FAM171B: variants seen among roughly 807,000 people sequenced by gnomAD.
The protein encoded by FAM171B is family with sequence similarity 171 member B.
Under a neutral mutation model 75.6 loss-of-function variants are expected in FAM171B, and 19 were observed. That is an observed-to-expected ratio of 0.25 (90% CI 0.18 to 0.37). The LOEUF (loss-of-function observed/expected upper bound fraction) is 0.37, where lower values mean the gene tolerates loss of function less well. FAM171B is among the 10% of genes least tolerant of loss of function. FAM171B has a pLI of 1.00. For missense variants in FAM171B, 848 were observed against 982.4 expected, an observed-to-expected ratio of 0.86 and a Z score of 1.83; for synonymous variants, 367 against 361.7, an observed-to-expected ratio of 1.01 and a Z score of -0.17.
At chr2:186,737,097 G>A (rs1379544356) in intron 1 of FAM171B, among the ~76,000 whole-genome samples, 2 of 152,116 alleles carry the variant, frequency 1.3e-5, no homozygotes, top group Non-Finnish European at 2.9e-5. Flanking sequence ...TGACCAAATG[G>A]ACTTTGAGAG....
intron 1 of FAM171B, among the ~76,000 whole-genome samples, chr2:186,720,969 G>A (rs1023275537): frequency 2.6e-5 from 4 of 152,126 alleles, no homozygotes; most frequent in Non-Finnish European, 5.9e-5. Context: ...CTAGGGGTAT[G>A]CATCAGGATT....
At chr2:186,755,544 G>A (rs377582861) in intron 6 of FAM171B, among the ~76,000 whole-genome samples, 4 of 152,140 alleles carry the variant, frequency 2.6e-5, no homozygotes, top group Non-Finnish European at 5.9e-5. Context: ...TACTTACCCT[G>A]ATCCAGAACA....
rs776646644 is a variant in FAM171B, at chr2:186,762,723, C to G, written c.2381C>G (p.Ser794Cys). 2.4e-5 allele frequency: 39 copies of G among 1,612,972 alleles called. No individual in the cohort carries two copies. The highest frequency in any genetic ancestry group is 3.3e-5 in the Non-Finnish European group (39 of 1,179,564). Residue 794 changes from serine (S) to cysteine (C), a missense_variant, in exon 8 of 8, where the codon TCC (serine) becomes TGC (cysteine). By Grantham distance (112) the Ser-to-Cys change is moderately radical (BLOSUM62 -1). Transcript: ENST00000304698. This position sits in a 1 kb window ranked among gnomAD's most constrained non-coding sequence, Gnocchi z 4.0. ...STVEDFEANT[S>C]PTKRRGRPPL... ...GTTGAAGATTTTGAAGCTAATACAT[C>G]CCCCACTAAAAGAAGGGGCAGACCA...
Position 186,765,796 on chromosome 2 carries a change from G to A in FAM171B, c.*2973G>A, listed in dbSNP as rs1387540069. ...TCTAGAATTGACATTTTGCCTTCTT[G>A]TTTCCAGGTGTTTCTATTTTTTGTA... On this transcript the variant is annotated 3_prime_UTR_variant, in exon 8 of 8. Coordinates refer to ENST00000304698, the MANE Select transcript of FAM171B (RefSeq NM_177454.4). The A allele has an allele frequency of 1.3e-5, 2 of 151,970 alleles. No homozygotes were observed. The highest frequency in any genetic ancestry group is 4.8e-5 in the African/African-American group (2 of 41,412). The allele number at this position is 151,970 out of a possible 1,614,324, so 9.4% of individuals were successfully genotyped here.
At chr2:186,707,988 T>G (rs543928031) in intron 1 of FAM171B, among the ~76,000 whole-genome samples, 16 of 152,262 alleles carry the variant, frequency 1.1e-4, no homozygotes, top group African/African-American at 2.6e-4. Context: ...TATCTTTTCC[T>G]TTAGTTTGGA....
intron 1 of FAM171B, among the ~76,000 whole-genome samples, chr2:186,698,806 G>A (rs1234245698): frequency 6.6e-6 from 1 of 152,004 alleles, no homozygotes; most frequent in Non-Finnish European, 1.5e-5. Flanking sequence ...CCCAGACTCT[G>A]GTAACCATCA....
chr2:186,708,316 G>T (rs192168142), intron 1 of FAM171B, among the ~76,000 whole-genome samples: 3 of 151,894 alleles, frequency 2.0e-5, no homozygotes, highest in African/African-American at 2.4e-5. Context: ...CCATAGGGTT[G>T]GTGAGAATAT....
In FAM171B at chr2:186,761,888, A is replaced by G; in HGVS notation, c.1546A>G (p.Thr516Ala). ...TGCTCAAGATGAAAAGAGGTATCTCACAGGTAATGAGGAGGCGTATGGGCG... is the reference window on the plus strand; with the variant it reads ...TGCTCAAGATGAAAAGAGGTATCTCGCAGGTAATGAGGAGGCGTATGGGCG... ...GDAQDEKRYL[T>A]GNEEAYGRSH... The change falls in exon 8 of 8, where the codon ACA becomes GCA. Residue 516 changes from threonine (T) to alanine (A), a missense_variant. Around this residue, in one of 3 missense-constraint regions of FAM171B, gnomAD observed 665 missense variants for 729.0 expected, o/e 0.91. Transcript: ENST00000304698. 1 of 1,612,826 alleles carries G rather than the reference A, an allele frequency of 6.2e-7. No individual in the cohort carries two copies. Among genetic ancestry groups the G allele is most frequent in the Non-Finnish European group, 8.5e-7 (1 of 1,179,400 alleles).
At chr2:186,721,953 G>A (rs1195498971) in intron 1 of FAM171B, among the ~76,000 whole-genome samples, 3 of 150,714 alleles carry the variant, frequency 2.0e-5, no homozygotes, top group Admixed American at 6.6e-5. Flanking sequence ...CTTTGCCAAC[G>A]TTGGAATAAG....
chr2:186,705,263 G>C (rs1257779940), intron 1 of FAM171B, among the ~76,000 whole-genome samples: 1 of 152,190 alleles, frequency 6.6e-6, no homozygotes, highest in Non-Finnish European at 1.5e-5. Context: ...AGAGGTAGTA[G>C]CTTTTGGGTT....
At chr2:186,724,538 T>A (rs1320285862) in intron 1 of FAM171B, among the ~76,000 whole-genome samples, 1 of 152,178 alleles carries the variant, frequency 6.6e-6, no homozygotes, top group Non-Finnish European at 1.5e-5. Flanking sequence ...AGCATAATTG[T>A]GAGTATAACC....
chr2:186,731,865 A>G lies in FAM171B; in HGVS notation c.239-8363A>G, dbSNP rs116212480. On this transcript the variant is annotated intron_variant, in intron 1 of 7. Coordinates refer to ENST00000304698, the MANE Select transcript of FAM171B (RefSeq NM_177454.4). Reference sequence around the variant, plus strand: ...AACCCTATTTTGAACTGAGCATGTGAGGGATCTAGGTTGCATGCTCCTTAT... The same window carrying G: ...AACCCTATTTTGAACTGAGCATGTGGGGGATCTAGGTTGCATGCTCCTTAT... Among the ~76,000 whole-genome samples the G allele has an allele frequency of 1.7e-3, 261 of 152,244 alleles. 1 individual carries two copies. The highest frequency in any genetic ancestry group is 5.1e-3 in the Admixed American group (78 of 15,278).
At chr2:186,711,150 T>C (rs1447203616) in intron 1 of FAM171B, among the ~76,000 whole-genome samples, 1 of 152,164 alleles carries the variant, frequency 6.6e-6, no homozygotes, top group Non-Finnish European at 1.5e-5. Flanking sequence ...GGCAAAAAGG[T>C]TTACTTTGGC....
rs1689972993 is a variant in FAM171B at position 186,722,659 on chromosome 2, C to T, written c.239-17569C>T. Among the ~76,000 whole-genome samples, 4 of 152,112 alleles carry T rather than the reference C, an allele frequency of 2.6e-5. No homozygotes were observed. The South Asian group carries it at 8.3e-4, about 32-fold the overall frequency. On this transcript the variant is annotated intron_variant, in intron 1 of 7. Transcript: ENST00000304698. ...TGCAGGATAGAGAGGACTGGGTTGT[C>T]CGGTGGCATAGGGCATAGATAGAGA... is the stretch of plus-strand genomic sequence containing the variant.
chr2:186,699,478 G>GT (rs1304742779), intron 1 of FAM171B, among the ~76,000 whole-genome samples: 2 of 152,074 alleles, frequency 1.3e-5, no homozygotes, highest in South Asian at 2.1e-4. Flanking sequence ...GGATTATTGG[G>GT]TTTTTTTGCC....
rs575465472 is a variant in FAM171B at position 186,705,841 on chromosome 2, A to T, written c.238+11430A>T. Among the ~76,000 whole-genome samples the T allele has an allele frequency of 4.1e-4, 62 of 152,286 alleles. 1 individual carries two copies. In the South Asian group the frequency reaches 0.012, roughly 30 times the overall value. On this transcript the variant is annotated intron_variant, in intron 1 of 7. Coordinates refer to ENST00000304698, the MANE Select transcript of FAM171B (RefSeq NM_177454.4). ...CACTTCTTTCAGCATTAGTTTCTCCATTCTGTTGGTGGAATGGTTGCCAAT... is the reference window on the plus strand; with the variant it reads ...CACTTCTTTCAGCATTAGTTTCTCCTTTCTGTTGGTGGAATGGTTGCCAAT...
intron 1 of FAM171B, among the ~76,000 whole-genome samples, chr2:186,711,080 A>T (rs1429953425): frequency 6.6e-6 from 1 of 152,216 alleles, no homozygotes; most frequent in East Asian, 1.9e-4. Flanking sequence ...GTGATGTAAA[A>T]ATGAGGAAAA....
chr2:186,716,938 C>T (rs1689883438), intron 1 of FAM171B, among the ~76,000 whole-genome samples: 2 of 152,084 alleles, frequency 1.3e-5, no homozygotes, highest in South Asian at 4.2e-4. Context: ...TTATGCAATC[C>T]TCTGATAACC....
chr2:186,753,559 A>G (rs1164346454), intron 5 of FAM171B, among the ~76,000 whole-genome samples: 2 of 152,170 alleles, frequency 1.3e-5, no homozygotes, highest in African/African-American at 4.8e-5. Context: ...ACCTATTACA[A>G]TAATAGGTGT....
Sources: allele counts gnomAD v4.1 joint callset (sites outside exome capture counted in the v4.1 genomes callset), GRCh38; gene constraint gnomAD v4.1.1; regional missense constraint gnomAD v4.1.1; non-coding constraint Gnocchi (gnomAD v3.1); transcripts MANE v1.5; gene names NCBI Gene and HGNC (gene_info 2026-07-23, HGNC 2026-07-21).